AFF3: variants seen among roughly 807,000 people sequenced by gnomAD.
The protein encoded by AFF3 is AF4/FMR2 family member 3.
AFF3 carries 32 observed loss-of-function variants against 129.7 expected under a neutral mutation model. The observed-to-expected ratio is 0.25, with a 90% CI of 0.19 to 0.33. The LOEUF is 0.33. Among genes scored for constraint, AFF3 ranks in the 10% least tolerant of loss-of-function variants. The pLI, the probability that AFF3 is intolerant of heterozygous loss-of-function variation, is 1.00. For missense variants in AFF3, 1,373 were observed against 1,592.0 expected, an observed-to-expected ratio of 0.86 and a Z score of 2.34; for synonymous variants, 644 against 635.4, an observed-to-expected ratio of 1.01 and a Z score of -0.20.
intron 10 of AFF3, among the ~76,000 whole-genome samples, chr2:99,734,267 A>T (rs1042689606): frequency 3.9e-5 from 6 of 152,028 alleles, no homozygotes; most frequent in Admixed American, 3.9e-4. Context: ...ATCTTGCTAA[A>T]TTTTCTTATT....
intron 2 of AFF3, among the ~76,000 whole-genome samples, chr2:100,111,119 C>T (rs1208526735): frequency 1.3e-5 from 2 of 152,152 alleles, no homozygotes; most frequent in African/African-American, 2.4e-5. Flanking sequence ...ATAACCCTAC[C>T]ATCTTTGGAC....
At chr2:99,702,684 TGTG>T (rs1676979829) in intron 11 of AFF3, among the ~76,000 whole-genome samples, 2 of 152,352 alleles carry the variant, frequency 1.3e-5, no homozygotes, top group South Asian at 4.1e-4. Context: ...TATCTTTTCA[TGTG>T]CTTATTTGCC....
intron 7 of AFF3, among the ~76,000 whole-genome samples, chr2:99,978,045 G>A (rs1314480022): frequency 1.3e-5 from 2 of 152,204 alleles, no homozygotes; most frequent in Non-Finnish European, 2.9e-5. Flanking sequence ...TAAAACTCCT[G>A]AAGATCTAAA....
chr2:99,946,885 T>C (rs1044440889), intron 7 of AFF3, among the ~76,000 whole-genome samples: 1 of 152,204 alleles, frequency 6.6e-6, no homozygotes, highest in African/African-American at 2.4e-5. Flanking sequence ...AGGCAGTGAC[T>C]ATGTCTTTCA....
At chr2:100,023,970 T>C (rs12997584) in intron 4 of AFF3, among the ~76,000 whole-genome samples, 79,839 of 151,176 alleles carry the variant, frequency 0.53, 21,540 homozygotes, top group African/African-American at 0.64. Context: ...CGGTGGCTCA[T>C]GCCTGTAATC....
In AFF3 at chr2:100,061,275, TATATA is replaced by T. The variant is rs1687250904; in HGVS notation, c.53+43122_53+43126del. On this transcript the variant is annotated intron_variant, in intron 4 of 24. Coordinates refer to ENST00000672756, the MANE Select transcript of AFF3 (RefSeq NM_001386135.1). ...CTCCATCTCCTTAATGGGGAGTAAC[TATATA>T]AATATAACCTTATTTTTAATGATGG... Among the ~76,000 whole-genome samples the T allele has an allele frequency of 5.3e-5, 8 of 152,310 alleles. No homozygotes were observed. The South Asian group carries it at 1.7e-3, about 32-fold the overall frequency.
chr2:99,903,748 C>A (rs901578046), intron 7 of AFF3, among the ~76,000 whole-genome samples: 2 of 152,098 alleles, frequency 1.3e-5, no homozygotes, highest in African/African-American at 4.8e-5. Context: ...TTACTAGACA[C>A]CCTATAGGCT....
At chr2:99,958,182 G>T (rs1676844784) in intron 7 of AFF3, among the ~76,000 whole-genome samples, 1 of 152,146 alleles carries the variant, frequency 6.6e-6, no homozygotes, top group Non-Finnish European at 1.5e-5. Flanking sequence ...ATGGAACTGA[G>T]TAGTTACCTC....
At chr2:100,009,629 A>C (rs891450077) in intron 4 of AFF3, among the ~76,000 whole-genome samples, 1 of 152,202 alleles carries the variant, frequency 6.6e-6, no homozygotes, top group African/African-American at 2.4e-5. Context: ...CCTTTTGTTG[A>C]AGAAAATTAA....
chr2:100,086,713 C>T (rs1689460978), intron 4 of AFF3, among the ~76,000 whole-genome samples: 1 of 152,200 alleles, frequency 6.6e-6, no homozygotes, highest in Admixed American at 6.5e-5. Flanking sequence ...ATGTTTCTAG[C>T]TGGCCTTCTG....
chr2:99,568,968 T>C lies in AFF3; in HGVS notation c.2919-53A>G, dbSNP rs1041436787. ...CATTATGGCTTAAGTGCAACGTCTT[T>C]TTAAAATATTCCTTCCTTTCACTCA... On this transcript the variant is annotated intron_variant, in intron 18 of 24. Coordinates refer to ENST00000672756, the MANE Select transcript of AFF3 (RefSeq NM_001386135.1). 1.2e-5 allele frequency: 18 copies of C among 1,496,414 alleles called. 1 individual carries two copies. The South Asian group carries it at 1.2e-4, about 10-fold the overall frequency. 92.7% of individuals were successfully genotyped at this position (1,496,414 alleles called of 1,614,324 possible). A position where few individuals can be genotyped will look rare whatever the true frequency, so the allele number is the denominator to read the frequency against.
chr2:100,016,257 AGTG>A (rs1203709333), intron 4 of AFF3, among the ~76,000 whole-genome samples: 1 of 124,698 alleles, frequency 8.0e-6, no homozygotes, highest in Non-Finnish European at 1.7e-5. Context: ...TGGCAGTGGT[AGTG>A]GTGGCGGTGG....
At chr2:99,651,648 G>A (rs1032239599) in intron 12 of AFF3, among the ~76,000 whole-genome samples, 26 of 151,948 alleles carry the variant, frequency 1.7e-4, no homozygotes, top group Non-Finnish European at 3.5e-4. Flanking sequence ...CATCATGTTG[G>A]CCAAGCTGGT....
At chr2:99,698,226 T>G (rs1200922610) in intron 11 of AFF3, among the ~76,000 whole-genome samples, 1 of 152,188 alleles carries the variant, frequency 6.6e-6, no homozygotes, top group Non-Finnish European at 1.5e-5. Flanking sequence ...TTTAGTAGCT[T>G]ACTTGTGTTT....
At chr2:99,966,429 G>T (rs1298765706) in intron 7 of AFF3, among the ~76,000 whole-genome samples, 1 of 151,966 alleles carries the variant, frequency 6.6e-6, no homozygotes, top group Non-Finnish European at 1.5e-5. Flanking sequence ...GGTGGCTCAC[G>T]CCTGTAATCC....
intron 24 of AFF3, among the ~76,000 whole-genome samples, chr2:99,552,213 C>G (rs527446784): frequency 6.6e-6 from 1 of 152,244 alleles, no homozygotes; most frequent in South Asian, 2.1e-4. Context: ...TGGCAAAACC[C>G]TGTCTCTACT....
chr2:99,868,592 G>A (rs1268754667), intron 7 of AFF3, among the ~76,000 whole-genome samples: 1 of 152,150 alleles, frequency 6.6e-6, no homozygotes, highest in Non-Finnish European at 1.5e-5. Context: ...GGAGGAAGAG[G>A]ACCAAGAACT....
At chr2:99,568,439 C>A (rs1199048097) in intron 19 of AFF3, among the ~76,000 whole-genome samples, 2 of 152,166 alleles carry the variant, frequency 1.3e-5, no homozygotes, top group Non-Finnish European at 2.9e-5. Context: ...AGAAAGCATT[C>A]ATTTCGGCAG....
At chr2:99,927,998 G>A (rs575818981) in intron 7 of AFF3, among the ~76,000 whole-genome samples, 70 of 152,270 alleles carry the variant, frequency 4.6e-4, no homozygotes, top group South Asian at 2.7e-3. Context: ...TTTTAAAAAT[G>A]GGAGTTCCCC....
Sources: gnomAD v4.1 joint callset for allele counts (sites outside exome capture counted in the v4.1 genomes callset) on GRCh38, gnomAD v4.1.1 for gene constraint, MANE v1.5 for transcripts, NCBI Gene and HGNC (gene_info 2026-07-23, HGNC 2026-07-21) for gene names.